The following ZNF804B variants were observed in gnomAD, a reference collection of about 807,000 sequenced individuals.
ZNF804B encodes the protein zinc finger protein 804B, also known as zinc finger 804B.
In ZNF804B, 80 loss-of-function variants were observed where a neutral mutation model predicts 101.4. That is an observed-to-expected ratio of 0.79 (90% CI 0.66 to 0.95). The LOEUF is 0.95. Among genes scored for constraint, ZNF804B ranks in the 40% least tolerant of loss-of-function variants. ZNF804B has a pLI of 0.00. For synonymous variants in ZNF804B, 622 were observed against 558.8 expected, an observed-to-expected ratio of 1.11 and a Z score of -1.59; for missense variants, 1,673 against 1,561.9, an observed-to-expected ratio of 1.07 and a Z score of -1.20.
At chr7:89,118,775 A>G (rs1790354886) in intron 1 of ZNF804B, among the ~76,000 whole-genome samples, 1 of 152,148 alleles carries the variant, frequency 6.6e-6, no homozygotes, top group Admixed American at 6.5e-5. Context: ...TAAAACTTCG[A>G]GTTCTCATTA....
chr7:89,147,993 G>A (rs994552382), intron 1 of ZNF804B, among the ~76,000 whole-genome samples: 2 of 151,848 alleles, frequency 1.3e-5, no homozygotes, highest in African/African-American at 2.4e-5. Context: ...GATTCATCCC[G>A]AAAGCATCCC....
At chr7:88,793,025 G>A (rs1235816110) in intron 1 of ZNF804B, among the ~76,000 whole-genome samples, 2 of 151,498 alleles carry the variant, frequency 1.3e-5, no homozygotes, top group South Asian at 2.1e-4. Flanking sequence ...AGATTGGTTT[G>A]TCCTCAAAGA....
chr7:88,794,209 A>G, intron 1 of ZNF804B: 1 of 1,612,008 alleles, frequency 6.2e-7, no homozygotes, highest in Non-Finnish European at 8.5e-7. Context: ...AGGCCATACC[A>G]CCTCAGAATC....
chr7:88,864,295 C>T lies in ZNF804B; in HGVS notation c.108+104211C>T, dbSNP rs140687516. Among the ~76,000 whole-genome samples, 1,071 of 152,236 alleles carry T rather than the reference C, an allele frequency of 7.0e-3. 13 individuals are homozygous for T. The highest frequency in any genetic ancestry group is 0.024 in the African/African-American group (1,000 of 41,542). ...AATTTTGTTGCAATGAATGAGACAA[C>T]GAATATATACTGCCTTATCTCTGCT... On this transcript the variant is annotated intron_variant, in intron 1 of 3. Coordinates refer to ENST00000333190, the MANE Select transcript of ZNF804B (RefSeq NM_181646.5).
rs1789872870 is a variant in ZNF804B, at chr7:88,760,167, T to C, written c.108+83T>C. 5 of 1,127,042 alleles carry C rather than the reference T, an allele frequency of 4.4e-6. No homozygotes were observed. In the Admixed American group the frequency reaches 8.8e-5, roughly 20 times the overall value. 69.8% of individuals were successfully genotyped at this position (1,127,042 alleles called of 1,614,324 possible). A position where few individuals can be genotyped will look rare whatever the true frequency, so the allele number is the denominator to read the frequency against. ...AAGATATTGAGAGATAGTATCCTGATACAATGAGTAGGTGGTGGACATCTA... is the reference window on the plus strand; with the variant it reads ...AAGATATTGAGAGATAGTATCCTGACACAATGAGTAGGTGGTGGACATCTA... On this transcript the variant is annotated intron_variant, in intron 1 of 3. Transcript: ENST00000333190.
At chr7:89,176,115 G>A (rs1791314655) in intron 1 of ZNF804B, among the ~76,000 whole-genome samples, 1 of 151,910 alleles carries the variant, frequency 6.6e-6, no homozygotes, top group South Asian at 2.1e-4. Context: ...TGCTGAAAGT[G>A]AGCCTCCATG....
intron 1 of ZNF804B, among the ~76,000 whole-genome samples, chr7:89,050,184 A>C: frequency 6.6e-6 from 1 of 152,280 alleles, no homozygotes; most frequent in East Asian, 1.9e-4. Context: ...TTTTAAAGGC[A>C]ATGACAAAAA....
intron 1 of ZNF804B, among the ~76,000 whole-genome samples, chr7:89,169,293 G>A (rs573504366): frequency 6.6e-6 from 1 of 152,148 alleles, no homozygotes; most frequent in Non-Finnish European, 1.5e-5. Context: ...AGCTCCCATA[G>A]GGGACCCAAG....
In ZNF804B at chr7:89,334,402, G is replaced by A. The variant is rs1353055615; in HGVS notation, c.1420G>A (p.Gly474Ser). ...AAAAACAGAACCCTGTATCTCTTAT[G>A]GCTGCAACCCACTGTATTTTGATTT... ...FTKTEPCISY[G>S]CNPLYFDFKL... The change falls in exon 4 of 4, where the codon GGC (glycine) becomes AGC (serine). Residue 474 changes from glycine to serine, a missense_variant. Gly to Ser is a moderately conservative substitution (Grantham distance 56, BLOSUM62 0). Transcript: ENST00000333190. The A allele has an allele frequency of 6.2e-7, 1 of 1,613,664 alleles. No individual in the cohort carries two copies. Among genetic ancestry groups the A allele is most frequent in the Admixed American group, 1.7e-5 (1 of 59,876 alleles).
At chr7:89,219,997 G>GTATACACA (rs1788966103) in intron 2 of ZNF804B, among the ~76,000 whole-genome samples, 3 of 55,812 alleles carry the variant, frequency 5.4e-5, no homozygotes, top group Middle Eastern at 0.017. Flanking sequence ...GTGCATATAT[G>GTATACACA]TATATGCACA....
At chr7:89,284,964 G>A (rs1208879) in intron 2 of ZNF804B, among the ~76,000 whole-genome samples, 37,140 of 151,802 alleles carry the variant, frequency 0.24, 4,792 homozygotes, top group Non-Finnish European at 0.28. Flanking sequence ...TTTGAGAGGC[G>A]GAGGCAGGAG....
chr7:89,135,716 A>C (rs1790623627), intron 1 of ZNF804B, among the ~76,000 whole-genome samples: 1 of 152,032 alleles, frequency 6.6e-6, no homozygotes, highest in South Asian at 2.1e-4. Flanking sequence ...TCACAGTCAG[A>C]CTGGATTTTC....
At chr7:88,767,037 C>G (rs1349603012) in intron 1 of ZNF804B, among the ~76,000 whole-genome samples, 1 of 152,132 alleles carries the variant, frequency 6.6e-6, no homozygotes, top group Non-Finnish European at 1.5e-5. Flanking sequence ...TCTTCTTCCT[C>G]TCTATTCTTC....
At chr7:89,256,781 A>T (rs1470648606) in intron 2 of ZNF804B, among the ~76,000 whole-genome samples, 1 of 152,162 alleles carries the variant, frequency 6.6e-6, no homozygotes. Flanking sequence ...AGTGTTTTCC[A>T]TACTCTTCAG....
intron 2 of ZNF804B, among the ~76,000 whole-genome samples, chr7:89,235,124 C>A (rs1280565080): frequency 6.6e-6 from 1 of 151,990 alleles, no homozygotes; most frequent in East Asian, 1.9e-4. Flanking sequence ...TTTTTATTCT[C>A]TATGAGAGCA....
intron 1 of ZNF804B, among the ~76,000 whole-genome samples, chr7:89,209,788 CTGAG>C (rs1788775037): frequency 6.6e-6 from 1 of 152,100 alleles, no homozygotes; most frequent in Non-Finnish European, 1.5e-5. Flanking sequence ...TAAATAGTTA[CTGAG>C]TTTTTCTAAG....
Position 88,854,410 on chromosome 7 carries a change from T to TCTTCCTTTCTTTCTTTCTTC in ZNF804B, c.108+94345_108+94346insCCTTCCTTTCTTTCTTTCTT, listed in dbSNP as rs1562812540. On this transcript the variant is annotated intron_variant, in intron 1 of 3. Transcript: ENST00000333190. The stretch of plus-strand genomic sequence containing the variant: ...GCATTTCTTTCTTTCTTTCTTTCTT[T>TCTTCCTTTCTTTCTTTCTTC]CTTCCTTTCTTTCTTTCTTTCTTTC... 6.9e-3 allele frequency among the ~76,000 whole-genome samples: 918 copies of TCTTCCTTTCTTTCTTTCTTC among 132,208 alleles called. 30 individuals are homozygous for TCTTCCTTTCTTTCTTTCTTC. The highest frequency in any genetic ancestry group is 0.014 in the South Asian group (56 of 4,108). 86.7% of individuals were successfully genotyped at this position (132,208 alleles called of 152,430 possible). A position where few individuals can be genotyped will look rare whatever the true frequency, so the allele number is the denominator to read the frequency against.
intron 1 of ZNF804B, among the ~76,000 whole-genome samples, chr7:88,851,531 A>G (rs1220555264): frequency 6.6e-6 from 1 of 152,110 alleles, no homozygotes; most frequent in Non-Finnish European, 1.5e-5. Flanking sequence ...CCTACCAAAA[A>G]TACCATTTAA....
At chr7:89,092,036 A>G (rs1789896626) in intron 1 of ZNF804B, among the ~76,000 whole-genome samples, 1 of 152,186 alleles carries the variant, frequency 6.6e-6, no homozygotes, top group Non-Finnish European at 1.5e-5. Flanking sequence ...CTGTAGATTA[A>G]GTGCCATATA....
Sources: gnomAD v4.1 joint callset for allele counts (sites outside exome capture counted in the v4.1 genomes callset) on GRCh38, gnomAD v4.1.1 for gene constraint, MANE v1.5 for transcripts, NCBI Gene and HGNC (gene_info 2026-07-23, HGNC 2026-07-21) for gene names.